Variants in YLPM1 observed in about 807,000 individuals in gnomAD.
YLPM1 encodes the protein YLP motif-containing protein 1.
In YLPM1, 99 loss-of-function variants were observed where a neutral mutation model predicts 230.0. The observed-to-expected ratio is 0.43, with a 90% confidence interval of 0.37 to 0.51. YLPM1 has a LOEUF of 0.51. YLPM1 is among the 20% of genes least tolerant of loss of function. The pLI, the probability that YLPM1 is intolerant of heterozygous loss-of-function variation, is 0.00. For missense variants in YLPM1, 2,592 were observed against 2,707.7 expected, an observed-to-expected ratio of 0.96 and a Z score of 0.95; for synonymous variants, 984 against 942.5, an observed-to-expected ratio of 1.04 and a Z score of -0.81.
rs1173334913 is a variant in YLPM1 at position 74,764,365 on chromosome 14, A to G, written c.873+3A>G. The G allele has an allele frequency of 1.1e-5, 18 of 1,599,934 alleles. No individual in the cohort carries two copies. The highest frequency in any genetic ancestry group is 1.4e-5 in the Non-Finnish European group (16 of 1,171,576). On this transcript the variant is annotated splice_donor_region_variant and intron_variant, in intron 1 of 20. Coordinates refer to ENST00000325680, the MANE Select transcript of YLPM1 (RefSeq NM_019589.3). ...ATCCCTCTACGATGACTCCACAGGT[A>G]AGAAAGCATCTGCCTGAACCTCATC...
chr14:74,828,867 C>T (rs994181644), intron 18 of YLPM1, among the ~76,000 whole-genome samples: 1 of 152,150 alleles, frequency 6.6e-6, no homozygotes, highest in African/African-American at 2.4e-5. Flanking sequence ...ATGGAAGACA[C>T]TGTCTAGAAA....
chr14:74,809,899 T>C lies in YLPM1; in HGVS notation c.4940-11T>C. 1 of 1,605,456 alleles carries C rather than the reference T, an allele frequency of 6.2e-7. No homozygotes were observed. Among genetic ancestry groups the C allele is most frequent in the Non-Finnish European group, 8.5e-7 (1 of 1,176,038 alleles). Reference sequence around the variant, plus strand: ...CTCTTACAGTACTTTATCTCTGATTTTGTTTACCAGATATATCCACTAATA... The same window carrying C: ...CTCTTACAGTACTTTATCTCTGATTCTGTTTACCAGATATATCCACTAATA... On this transcript the variant is annotated splice_polypyrimidine_tract_variant and intron_variant, in intron 7 of 20. Coordinates refer to ENST00000325680, the MANE Select transcript of YLPM1 (RefSeq NM_019589.3).
intron 4 of YLPM1, among the ~76,000 whole-genome samples, chr14:74,790,458 T>A (rs2091195232): frequency 6.6e-6 from 1 of 152,212 alleles, no homozygotes; most frequent in African/African-American, 2.4e-5. Context: ...CTGCAAATAG[T>A]ATAATACATA....
chr14:74,773,251 G>A (rs1016696238), intron 1 of YLPM1, among the ~76,000 whole-genome samples: 33 of 151,904 alleles, frequency 2.2e-4, no homozygotes, highest in Non-Finnish European at 3.8e-4. Flanking sequence ...TCGCGCCACT[G>A]CGCTCCAGCC....
At chr14:74,764,742 A>G (rs983398200) in intron 1 of YLPM1, among the ~76,000 whole-genome samples, 1 of 152,190 alleles carries the variant, frequency 6.6e-6, no homozygotes, top group African/African-American at 2.4e-5. Flanking sequence ...AAAGCATGAA[A>G]AAGAGGCCTC....
intron 20 of YLPM1, 85 bp downstream of exon 20, chr14:74,835,532 A>T: frequency 2.5e-6 from 3 of 1,189,852 alleles, no homozygotes; most frequent in Non-Finnish European, 3.5e-6. Context: ...TTTTGCTAAA[A>T]ATGCTCTCTT....
intron 4 of YLPM1, among the ~76,000 whole-genome samples, chr14:74,789,448 C>T (rs1449031818): frequency 6.6e-6 from 1 of 152,058 alleles, no homozygotes; most frequent in East Asian, 1.9e-4. Flanking sequence ...AACTCCTGAC[C>T]TCAGGTGATC....
intron 4 of YLPM1, among the ~76,000 whole-genome samples, chr14:74,788,859 C>T (rs964805113): frequency 5.9e-5 from 9 of 152,038 alleles, no homozygotes; most frequent in Non-Finnish European, 7.4e-5. Flanking sequence ...GAAAAGAAAC[C>T]GTAAGGCTAC....
intron 1 of YLPM1, among the ~76,000 whole-genome samples, chr14:74,769,259 CTTT>C (rs34023289): frequency 2.6e-5 from 1 of 38,398 alleles, no homozygotes; most frequent in African/African-American, 7.4e-5. Flanking sequence ...GTATTTTTAT[CTTT>C]TTTTTTTTTT....
chr14:74,774,705 C>CT lies in YLPM1; in HGVS notation c.874-3731dup, dbSNP rs1013373332. 7.3e-4 allele frequency among the ~76,000 whole-genome samples: 107 copies of CT among 146,212 alleles called. 1 individual carries two copies. Among genetic ancestry groups the CT allele is most frequent in the South Asian group, 1.1e-3 (5 of 4,612 alleles). ...ACAGGCGTGAGCCACTGCGCTCCGC[C>CT]TTTTTTTTTTTGTATTTTTGTAGAG... On this transcript the variant is annotated intron_variant, in intron 1 of 20. Coordinates refer to ENST00000325680, the MANE Select transcript of YLPM1 (RefSeq NM_019589.3).
At chr14:74,820,607 A>G (rs1594842792) in intron 16 of YLPM1, among the ~76,000 whole-genome samples, 1 of 152,110 alleles carries the variant, frequency 6.6e-6, no homozygotes. Flanking sequence ...AGTCAGTTGT[A>G]CCTTTTAATG....
At chr14:74,833,749 A>G (rs1355592242) in intron 19 of YLPM1, among the ~76,000 whole-genome samples, 2 of 152,126 alleles carry the variant, frequency 1.3e-5, no homozygotes, top group African/African-American at 4.8e-5. Context: ...CACTGCTATT[A>G]CTTTGGCTCC....
At chr14:74,802,729 C>A in intron 6 of YLPM1, 53 bp downstream of exon 6, 1 of 1,489,934 alleles carries the variant, frequency 6.7e-7, no homozygotes, top group Non-Finnish European at 9.0e-7. Context: ...TTGTATGTTT[C>A]TATGTTGTTT....
intron 1 of YLPM1, among the ~76,000 whole-genome samples, chr14:74,766,153 G>C (rs767233301): frequency 4.6e-5 from 7 of 152,110 alleles, no homozygotes; most frequent in Non-Finnish European, 1.0e-4. Context: ...GTAGCACCTA[G>C]GACAGTGCCT....
chr14:74,808,491 A>C (rs2091400410), intron 6 of YLPM1, among the ~76,000 whole-genome samples: 1 of 152,140 alleles, frequency 6.6e-6, no homozygotes, highest in Non-Finnish European at 1.5e-5. Flanking sequence ...GAGAAATGAA[A>C]TTGCTGAGCC....
chr14:74,783,589 A>C (rs2091116773), intron 4 of YLPM1, among the ~76,000 whole-genome samples: 1 of 152,226 alleles, frequency 6.6e-6, no homozygotes, highest in South Asian at 2.1e-4. Context: ...TTATTTTTCC[A>C]CCAATCTGCG....
At position 74,764,005 on chromosome 14, in the gene YLPM1, C is replaced by G; in HGVS notation, c.516C>G (p.Pro172=). 6.2e-7 allele frequency: 1 copy of G among 1,606,360 alleles called. No homozygotes were observed. The change falls in exon 1 of 21, where the codon CCC becomes CCG. Residue 172 remains proline (P), a synonymous_variant. Transcript: ENST00000325680. The part of the protein sequence containing the change: ...QSYMPPPQPP[P]SYYPPTSSQP... Reference sequence around the variant, plus strand: ...ACATGCCCCCACCTCAGCCGCCACCCTCTTACTACCCCCCGACCTCATCTC... The same window carrying G: ...ACATGCCCCCACCTCAGCCGCCACCGTCTTACTACCCCCCGACCTCATCTC...
Position 74,835,311 on chromosome 14 carries a change from G to A in YLPM1, c.6341G>A (p.Arg2114Lys). ...GAGAAGAAGGATGCAGATAGGAAAA[G>A]GGCCATAGGTTTTGTGGTCGGACAG... is the stretch of plus-strand genomic sequence containing the variant. ...LEEKKDADRK[R>K]AIGFVVGQTD... The change falls in exon 20 of 21, where the codon AGG becomes AAG. Residue 2114 changes from arginine (R) to lysine (K), a missense_variant. Arg to Lys is a conservative substitution (Grantham distance 26). Around this residue, in one of 4 missense-constraint regions of YLPM1, gnomAD observed 315 missense variants for 429.3 expected, o/e 0.73. Coordinates refer to ENST00000325680, the MANE Select transcript of YLPM1 (RefSeq NM_019589.3). The A allele has an allele frequency of 6.2e-7, 1 of 1,613,714 alleles. No individual in the cohort carries two copies. The highest frequency in any genetic ancestry group is 1.1e-5 in the South Asian group (1 of 91,082).
intron 4 of YLPM1, 117 bp from the exon 5 acceptor site, chr14:74,797,463 G>T (rs2091275963): frequency 2.3e-6 from 2 of 864,858 alleles, no homozygotes; most frequent in Admixed American, 3.3e-5. Context: ...TTTAATGACT[G>T]AAAAGAGTCA....
Sources: gnomAD v4.1 joint callset for allele counts (sites outside exome capture counted in the v4.1 genomes callset) on GRCh38, gnomAD v4.1.1 for gene constraint, gnomAD v4.1.1 regional missense constraint, MANE v1.5 for transcripts, NCBI Gene and HGNC (gene_info 2026-07-23, HGNC 2026-07-21) for gene names.